The following SLC8A1 variants were observed in gnomAD, a reference collection of about 807,000 sequenced individuals.
SLC8A1 encodes solute carrier family 8 member A1, also known as sodium/calcium exchanger 1.
Under a neutral mutation model 68.3 loss-of-function variants are expected in SLC8A1, and 18 were observed. The ratio of observed to expected loss-of-function variants is 0.26; its 90% CI spans 0.18 to 0.39. The LOEUF is 0.39. SLC8A1 is among the 10% of genes least tolerant of loss of function. SLC8A1 has a pLI of 1.00. For missense variants in SLC8A1, 985 were observed against 1,156.7 expected (o/e 0.85, Z 2.15); for synonymous variants, 475 against 415.5 (o/e 1.14, Z -1.74).
intron 2 of SLC8A1, among the ~76,000 whole-genome samples, chr2:40,210,573 G>C (rs147378937): frequency 1.3e-5 from 2 of 152,124 alleles, no homozygotes; most frequent in African/African-American, 4.8e-5. Context: ...TTTTAAGGGG[G>C]GAGAAAGGCC....
chr2:40,400,985 C>T (rs1414028369), intron 2 of SLC8A1, among the ~76,000 whole-genome samples: 3 of 152,072 alleles, frequency 2.0e-5, no homozygotes, highest in Non-Finnish European at 4.4e-5. Context: ...TTTGGTGCCA[C>T]GAGGAGGAGG....
chr2:40,473,386 G>C (rs1000233147), intron 1 of SLC8A1, among the ~76,000 whole-genome samples: 12 of 152,018 alleles, frequency 7.9e-5, no homozygotes, highest in Non-Finnish European at 1.8e-4. Context: ...TATTTAACCA[G>C]CTAACATCTC....
chr2:40,461,464 C>T (rs1045747088), intron 1 of SLC8A1, among the ~76,000 whole-genome samples: 4 of 152,108 alleles, frequency 2.6e-5, no homozygotes, highest in Admixed American at 1.3e-4. Context: ...TGAGAATATC[C>T]GGTCTTCTTT....
At position 40,101,022 on chromosome 2, in the gene SLC8A1, AC is replaced by A. The variant is rs2033860660; in HGVS notation, c.*14230del. On this transcript the variant is annotated 3_prime_UTR_variant, in exon 8 of 8. Transcript: ENST00000406785. ...ATGCATATGAGTATTTTAAGTATCCACAAATGTGATATTTTCAGGTTAGAAT... is the reference window on the plus strand; with the variant it reads ...ATGCATATGAGTATTTTAAGTATCCAAAATGTGATATTTTCAGGTTAGAAT... 3 of 152,260 alleles carry A rather than the reference AC, an allele frequency of 2.0e-5. No homozygotes were observed. The South Asian group carries it at 6.2e-4, about 32-fold the overall frequency. The allele number at this position is 152,260 out of a possible 1,614,324, so 9.4% of individuals were successfully genotyped here.
intron 2 of SLC8A1, among the ~76,000 whole-genome samples, chr2:40,223,047 T>C (rs542957564): frequency 6.3e-4 from 96 of 152,330 alleles, no homozygotes; most frequent in Non-Finnish European, 1.2e-3. Context: ...TAAATCATGC[T>C]ACTAGAAAGA....
chr2:40,317,424 C>T (rs1404274163), intron 2 of SLC8A1, among the ~76,000 whole-genome samples: 1 of 152,032 alleles, frequency 6.6e-6, no homozygotes, highest in Non-Finnish European at 1.5e-5. Context: ...AAATCACTGA[C>T]AAGGCAAGCA....
In SLC8A1 at chr2:40,430,445, A is replaced by C. The variant is rs535004074; in HGVS notation, c.-24-141T>G. On this transcript the variant is annotated intron_variant, in intron 1 of 7. Coordinates refer to ENST00000406785, the Ensembl canonical transcript of SLC8A1. ...ACCATCACAAAACCGAAATTTGTTT[A>C]TATTTGACCATCACAAAATCTATGG... 4 of 758,430 alleles carry C rather than the reference A, an allele frequency of 5.3e-6. No individual in the cohort carries two copies. In the East Asian group the frequency reaches 1.1e-4, roughly 21 times the overall value. The allele number at this position is 758,430 out of a possible 1,614,324, so 47.0% of individuals were successfully genotyped here. A position where few individuals can be genotyped will look rare whatever the true frequency, so the allele number is the denominator to read the frequency against.
chr2:40,489,757 T>C (rs1705197931), intron 1 of SLC8A1, among the ~76,000 whole-genome samples: 3 of 151,632 alleles, frequency 2.0e-5, no homozygotes, highest in Non-Finnish European at 4.4e-5. Flanking sequence ...AACCATTAAG[T>C]GGCTTCTTGA....
At chr2:40,118,972 C>G (rs931746690) in intron 7 of SLC8A1, among the ~76,000 whole-genome samples, 2 of 151,942 alleles carry the variant, frequency 1.3e-5, no homozygotes, top group Non-Finnish European at 2.9e-5. Flanking sequence ...CCTTTGCTGC[C>G]GCACCAGAAG....
At chr2:40,385,705 T>TA (rs765393300) in intron 2 of SLC8A1, among the ~76,000 whole-genome samples, 9 of 151,362 alleles carry the variant, frequency 5.9e-5, no homozygotes, top group Non-Finnish European at 1.3e-4. Flanking sequence ...TAAAGTGTAC[T>TA]AAAAAAAGTT....
At chr2:40,183,040 C>G (rs1409358301) in intron 2 of SLC8A1, among the ~76,000 whole-genome samples, 1 of 152,076 alleles carries the variant, frequency 6.6e-6, no homozygotes, top group Non-Finnish European at 1.5e-5. Flanking sequence ...CTTAGATATT[C>G]TCAGAGGCCA....
intron 2 of SLC8A1, among the ~76,000 whole-genome samples, chr2:40,338,986 C>T (rs571612964): frequency 1.3e-5 from 2 of 152,278 alleles, no homozygotes; most frequent in East Asian, 1.9e-4. Flanking sequence ...CCCTGGAAAG[C>T]GAAGTGTTGG....
In SLC8A1 at chr2:40,485,180, C is replaced by T. The variant is rs572233654; in HGVS notation, c.-25+27169G>A. Reference sequence around the variant, plus strand: ...ACAACCATCCCCTCCACCTTCACGCCGCAGACAACCTCAACAGGGTCAAGG... The same window carrying T: ...ACAACCATCCCCTCCACCTTCACGCTGCAGACAACCTCAACAGGGTCAAGG... On this transcript the variant is annotated intron_variant, in intron 1 of 7. Coordinates refer to the SLC8A1 transcript ENST00000402441. Among the ~76,000 whole-genome samples, 60 of 152,118 alleles carry T rather than the reference C, an allele frequency of 3.9e-4. No individual in the cohort carries two copies. In the South Asian group the frequency reaches 0.012, roughly 29 times the overall value.
chr2:40,251,003 A>G (rs1188924671), intron 2 of SLC8A1: 2 of 152,206 alleles, frequency 1.3e-5, no homozygotes, highest in East Asian at 1.9e-4. Context: ...TATACAGTCT[A>G]CAGAACTCGG....
At chr2:40,231,593 C>T (rs1349314519) in intron 2 of SLC8A1, among the ~76,000 whole-genome samples, 1 of 152,038 alleles carries the variant, frequency 6.6e-6, no homozygotes, top group African/African-American at 2.4e-5. Flanking sequence ...GTCTAGTGTT[C>T]TCACCTTTGT....
chr2:40,330,722 A>G (rs959114953), intron 2 of SLC8A1, among the ~76,000 whole-genome samples: 1 of 152,230 alleles, frequency 6.6e-6, no homozygotes, highest in East Asian at 1.9e-4. Flanking sequence ...ACCAGCTCAT[A>G]AAGGAAAAAT....
At chr2:40,396,214 G>A (rs1686846347) in intron 2 of SLC8A1, among the ~76,000 whole-genome samples, 1 of 152,082 alleles carries the variant, frequency 6.6e-6, no homozygotes, top group Admixed American at 6.6e-5. Context: ...TAGCAAATAT[G>A]CATTCAATTG....
chr2:40,332,415 T>C (rs1490520560), intron 2 of SLC8A1, among the ~76,000 whole-genome samples: 2 of 107,898 alleles, frequency 1.9e-5, no homozygotes, highest in Non-Finnish European at 3.7e-5. Context: ...TTCTGCAACA[T>C]GTGTGTGGGG....
At chr2:40,374,872 T>C (rs1679296075) in intron 2 of SLC8A1, among the ~76,000 whole-genome samples, 1 of 152,014 alleles carries the variant, frequency 6.6e-6, no homozygotes, top group East Asian at 1.9e-4. Context: ...ACACTGAAAA[T>C]ACAGACTAGC....
Sources: allele counts gnomAD v4.1 joint callset (sites outside exome capture counted in the v4.1 genomes callset), GRCh38; gene constraint gnomAD v4.1.1; transcripts MANE v1.5; gene names NCBI Gene and HGNC (gene_info 2026-07-23, HGNC 2026-07-21).